Variants in NRIP1 observed in about 807,000 individuals in gnomAD.
The protein encoded by NRIP1 is nuclear receptor interacting protein 1.
In NRIP1, 28 loss-of-function variants were observed where a neutral mutation model predicts 75.0. The ratio of observed to expected loss-of-function variants is 0.37; its 90% confidence interval spans 0.28 to 0.51. The LOEUF (loss-of-function observed/expected upper bound fraction) is 0.51. NRIP1 is among the 20% of genes least tolerant of loss of function. NRIP1 has a pLI of 0.92. For synonymous variants in NRIP1, 526 were observed against 487.6 expected (o/e 1.08, Z -1.04); for missense variants, 1,435 against 1,343.7 (o/e 1.07, Z -1.06).
At chr21:15,003,228 T>C (rs1195822319) in intron 3 of NRIP1, among the ~76,000 whole-genome samples, 1 of 152,188 alleles carries the variant, frequency 6.6e-6, no homozygotes, top group African/African-American at 2.4e-5. Flanking sequence ...AAAGTATTGA[T>C]AGTTAAGGGG....
At chr21:14,977,790 T>C (rs1371176344) in intron 3 of NRIP1, among the ~76,000 whole-genome samples, 1 of 152,226 alleles carries the variant, frequency 6.6e-6, no homozygotes, top group Non-Finnish European at 1.5e-5. Flanking sequence ...TGAAGTATTA[T>C]CTTTATGAAA....
chr21:15,064,101 C>G (rs909249877), intron 1 of NRIP1, among the ~76,000 whole-genome samples: 1 of 152,254 alleles, frequency 6.6e-6, no homozygotes, highest in Non-Finnish European at 1.5e-5. Flanking sequence ...GAAAAGGCAG[C>G]CTCCCGGACT....
At chr21:14,989,062 G>A (rs2087493539) in intron 3 of NRIP1, among the ~76,000 whole-genome samples, 1 of 152,144 alleles carries the variant, frequency 6.6e-6, no homozygotes, top group South Asian at 2.1e-4. Context: ...CCTCTAACAA[G>A]TCCTCCTGTA....
chr21:15,048,200 A>G (rs1422706390), intron 1 of NRIP1, among the ~76,000 whole-genome samples: 1 of 152,242 alleles, frequency 6.6e-6, no homozygotes, highest in African/African-American at 2.4e-5. Flanking sequence ...AAAGTTTTAT[A>G]TATTGTGAGA....
intron 3 of NRIP1, among the ~76,000 whole-genome samples, chr21:14,993,885 T>G (rs1193907346): frequency 1.3e-5 from 2 of 152,268 alleles, no homozygotes; most frequent in Non-Finnish European, 2.9e-5. Context: ...CTTACTACTT[T>G]GAAAATGTTT....
chr21:15,039,868 C>T (rs1279593214), intron 2 of NRIP1, among the ~76,000 whole-genome samples: 2 of 152,064 alleles, frequency 1.3e-5, no homozygotes, highest in African/African-American at 4.8e-5. Flanking sequence ...CCCCTAAACA[C>T]TGGCTAATTG....
chr21:14,965,785 G>C lies in NRIP1; in HGVS notation c.2408C>G (p.Ser803Trp). The change falls in exon 4 of 4, where the codon TCG becomes TGG. Residue 803 changes from serine to tryptophan, a missense_variant. Ser to Trp is a radical substitution (Grantham distance 177). Transcript: ENST00000318948. ...AAAATCCTGAGGTGAAACAGGCTCC[G>C]ATTTAAAGTCTTCGGACACTGGTAA... ...PALPVSEDFK[S>W]EPVSPQDFSF... 1 of 1,613,954 alleles carries C rather than the reference G, an allele frequency of 6.2e-7. No homozygotes were observed. The highest frequency in any genetic ancestry group is 8.5e-7 in the Non-Finnish European group (1 of 1,179,954).
chr21:14,992,017 A>T (rs2087586364), intron 3 of NRIP1, among the ~76,000 whole-genome samples: 1 of 151,964 alleles, frequency 6.6e-6, no homozygotes, highest in South Asian at 2.1e-4. Context: ...TATTGTACAC[A>T]GCCCAAAGGA....
chr21:15,013,005 G>C (rs1332073959), intron 3 of NRIP1, among the ~76,000 whole-genome samples: 4 of 152,076 alleles, frequency 2.6e-5, no homozygotes, highest in Admixed American at 1.3e-4. Flanking sequence ...AATTTTAATA[G>C]AATTAGAAGT....
chr21:15,050,862 G>A (rs2089186029), intron 1 of NRIP1: 1 of 455,982 alleles, frequency 2.2e-6, no homozygotes, highest in South Asian at 1.5e-5. Flanking sequence ...CACCCAGGAG[G>A]CAATATTCCC....
intron 3 of NRIP1, among the ~76,000 whole-genome samples, chr21:14,983,475 G>A (rs570693555): frequency 2.0e-5 from 3 of 152,160 alleles, no homozygotes; most frequent in African/African-American, 7.2e-5. Context: ...CAATAAAACT[G>A]CAAAGGGAAG....
At position 15,062,707 on chromosome 21, in the gene NRIP1, A is replaced by G. The variant is rs56172552; in HGVS notation, c.-538+2038T>C. Among the ~76,000 whole-genome samples, 1,167 of 152,330 alleles carry G rather than the reference A, an allele frequency of 7.7e-3. 14 individuals carry two copies. The highest frequency in any genetic ancestry group is 0.026 in the African/African-American group (1,061 of 41,578). Reference sequence around the variant, plus strand: ...CGACTATATCAGAACTGTAACAGACATGTCAATTTAAGCAAACTTCATGAG... The same window carrying G: ...CGACTATATCAGAACTGTAACAGACGTGTCAATTTAAGCAAACTTCATGAG... On this transcript the variant is annotated intron_variant, in intron 1 of 3. Transcript: ENST00000318948.
At chr21:14,970,309 G>T (rs1386834108) in intron 3 of NRIP1, among the ~76,000 whole-genome samples, 1 of 152,178 alleles carries the variant, frequency 6.6e-6, no homozygotes, top group East Asian at 1.9e-4. Flanking sequence ...AATTTAGGAG[G>T]CCGAGGTGGG....
rs2086773654 is a variant in NRIP1, at chr21:14,967,130, A to G, written c.1063T>C (p.Ser355Pro). 1 of 1,614,126 alleles carries G rather than the reference A, an allele frequency of 6.2e-7. No homozygotes were observed. The highest frequency in any genetic ancestry group is 8.5e-7 in the Non-Finnish European group (1 of 1,179,998). ...TTATAACCTGCATTTTTAGGGGAAG[A>G]AGGAATGATACCCATTGGATTTTGA... ...VFQNPMGIIP[S>P]SPKNAGYKNS... The change falls in exon 4 of 4, where the codon TCT (serine) becomes CCT (proline). Residue 355 changes from serine to proline, a missense_variant. Physicochemically the swap from Ser to Pro is moderately conservative, Grantham distance 74. Transcript: ENST00000318948.
intron 2 of NRIP1, among the ~76,000 whole-genome samples, chr21:15,032,497 TA>T (rs35637698): frequency 2.7e-4 from 39 of 145,704 alleles, no homozygotes; most frequent in East Asian, 7.9e-4. Context: ...ATGATGGCTC[TA>T]AAAAAAAAAA....
At chr21:15,012,660 T>C (rs1490446192) in intron 3 of NRIP1, among the ~76,000 whole-genome samples, 2 of 151,938 alleles carry the variant, frequency 1.3e-5, no homozygotes, top group Admixed American at 6.6e-5. Flanking sequence ...ACCATACTGG[T>C]CAGGCTGGTC....
intron 1 of NRIP1, among the ~76,000 whole-genome samples, chr21:15,047,391 T>A (rs2089104741): frequency 6.6e-6 from 1 of 151,972 alleles, no homozygotes; most frequent in Non-Finnish European, 1.5e-5. Flanking sequence ...AATCAAAAAA[T>A]TAGCCAGGCG....
chr21:14,995,624 GAA>G (rs2087699112), intron 3 of NRIP1, among the ~76,000 whole-genome samples: 1 of 152,294 alleles, frequency 6.6e-6, no homozygotes, highest in East Asian at 1.9e-4. Context: ...AAATATGAAA[GAA>G]AGAGAATTCT....
At chr21:15,034,648 TA>T (rs1568997026) in intron 2 of NRIP1, among the ~76,000 whole-genome samples, 1 of 152,118 alleles carries the variant, frequency 6.6e-6, no homozygotes, top group African/African-American at 2.4e-5. Context: ...ACAAACATAA[TA>T]CACAAGTGTG....
Sources: allele counts gnomAD v4.1 joint callset (sites outside exome capture counted in the v4.1 genomes callset), GRCh38; gene constraint gnomAD v4.1.1; transcripts MANE v1.5; gene names NCBI Gene and HGNC (gene_info 2026-07-23, HGNC 2026-07-21).